CMBL: variants seen among roughly 807,000 people sequenced by gnomAD.
CMBL encodes the protein carboxymethylenebutenolidase homolog (Pseudomonas).
In CMBL, 17 loss-of-function variants were observed where a neutral mutation model predicts 28.7. That is an observed-to-expected ratio of 0.59 (90% CI 0.41 to 0.89). The LOEUF is 0.89. Among genes scored for constraint, CMBL ranks in the 40% least tolerant of loss-of-function variants. The pLI, the probability that CMBL is intolerant of heterozygous loss-of-function variation, is 0.00. For missense variants in CMBL, 310 were observed against 298.5 expected (o/e 1.04, Z -0.28); for synonymous variants, 106 against 101.6 (o/e 1.04, Z -0.26).
At position 10,290,676 on chromosome 5, in the gene CMBL, G is replaced by A. The variant is rs1746695744; in HGVS notation, c.87C>T (p.His29=). The part of the protein sequence containing the change: ...GGLGREVQVE[H]IKAYVTKSPV... The stretch of plus-strand genomic sequence containing the variant: ...GGGATTTGGTGACATAAGCCTTGAT[G>A]TGCTCGACTTGAACTTCACGGCCTA... The change falls in exon 2 of 6, where the codon CAC becomes CAT. Residue 29 remains histidine, a synonymous_variant. Coordinates refer to ENST00000296658, the MANE Select transcript of CMBL (RefSeq NM_138809.4). 2 of 1,614,192 alleles carry A rather than the reference G, an allele frequency of 1.2e-6. No homozygotes were observed. Among genetic ancestry groups the A allele is most frequent in the Non-Finnish European group, 1.7e-6 (2 of 1,180,032 alleles).
chr5:10,302,599 CAAA>C (rs1216048051), intron 1 of CMBL, among the ~76,000 whole-genome samples: 1 of 121,260 alleles, frequency 8.2e-6, no homozygotes. Flanking sequence ...GACTCTGTCT[CAAA>C]AAAAAAAAAA....
chr5:10,301,792 G>C (rs917714678), intron 1 of CMBL, among the ~76,000 whole-genome samples: 11 of 151,802 alleles, frequency 7.2e-5, no homozygotes, highest in Non-Finnish European at 1.6e-4. Flanking sequence ...AGTAGAGACG[G>C]GGTTTCACCA....
At chr5:10,291,396 C>T (rs935888284) in intron 1 of CMBL, among the ~76,000 whole-genome samples, 2 of 152,180 alleles carry the variant, frequency 1.3e-5, no homozygotes, top group African/African-American at 4.8e-5. Flanking sequence ...GGCGCGGTGG[C>T]TCACGCCTGT....
In CMBL at chr5:10,278,696, T is replaced by C. The variant is rs1479605514; in HGVS notation, c.*1757A>G. 6.6e-6 allele frequency among the ~76,000 whole-genome samples: 1 copy of C among 152,128 alleles called. No individual in the cohort carries two copies. The highest frequency in any genetic ancestry group is 1.5e-5 in the Non-Finnish European group (1 of 68,030). On this transcript the variant is annotated 3_prime_UTR_variant, in exon 6 of 6. Coordinates refer to ENST00000296658, the MANE Select transcript of CMBL (RefSeq NM_138809.4). ...TGTAAGCAATAAACTGCTTCTGTCA[T>C]TTCTTGGGTTCTGATGAGTTGCCTC...
rs565910614 is a variant in CMBL, at chr5:10,298,010, G to T, written c.-19-7229C>A. Among the ~76,000 whole-genome samples the T allele has an allele frequency of 6.6e-5, 10 of 152,200 alleles. 1 individual carries two copies. In the East Asian group the frequency reaches 1.4e-3, roughly 21 times the overall value. On this transcript the variant is annotated intron_variant, in intron 1 of 5. Transcript: ENST00000296658. ...AAAACAGGGGACCAGCGAGAAGTAC[G>T]TATGGCTGTTTCCTCCAGCCAGGTC...
intron 3 of CMBL, among the ~76,000 whole-genome samples, chr5:10,288,034 A>G (rs1746636590): frequency 6.6e-6 from 1 of 151,396 alleles, no homozygotes; most frequent in Admixed American, 6.6e-5. Flanking sequence ...CCCGGCCTAA[A>G]AATTTTAATT....
chr5:10,286,228 T>G (rs921092620), intron 4 of CMBL, 126 bp downstream of exon 4: 1 of 938,434 alleles, frequency 1.1e-6, no homozygotes, highest in Non-Finnish European at 1.6e-6. Context: ...TAAAACCCAT[T>G]TCCATAAGAT....
At chr5:10,301,121 T>C (rs1441106359) in intron 1 of CMBL, among the ~76,000 whole-genome samples, 5 of 152,098 alleles carry the variant, frequency 3.3e-5, no homozygotes, top group African/African-American at 1.2e-4. Flanking sequence ...TGGGCTTTAT[T>C]ATGTTTTATT....
intron 3 of CMBL, among the ~76,000 whole-genome samples, chr5:10,287,184 T>G (rs1311089790): frequency 6.6e-6 from 1 of 152,104 alleles, no homozygotes; most frequent in Non-Finnish European, 1.5e-5. Context: ...AAAGTGGAGG[T>G]GGGCTGCACA....
chr5:10,292,437 C>T (rs1322859721), intron 1 of CMBL, among the ~76,000 whole-genome samples: 3 of 152,162 alleles, frequency 2.0e-5, no homozygotes, highest in Admixed American at 2.0e-4. Context: ...GTCTCAAACT[C>T]CTAGGCTCAA....
intron 1 of CMBL, among the ~76,000 whole-genome samples, chr5:10,292,650 C>A (rs995147873): frequency 1.4e-4 from 21 of 151,912 alleles, no homozygotes; most frequent in African/African-American, 5.1e-4. Context: ...TGGTGAAACC[C>A]CCGTCTCTAC....
In CMBL at chr5:10,286,562, T is replaced by C. The variant is rs75142029; in HGVS notation, c.324-66A>G. ...TTGTGAACCCCTCAAAGAGCTGTGC[T>C]GATGATAACAGGGCTGTATCAGCAA... On this transcript the variant is annotated intron_variant, in intron 3 of 5. Coordinates refer to ENST00000296658, the MANE Select transcript of CMBL (RefSeq NM_138809.4). The C allele has an allele frequency of 3.6e-3, 5,325 of 1,485,522 alleles. 162 individuals carry two copies. The African/African-American group carries it at 0.065, about 18-fold the overall frequency. 92.0% of individuals were successfully genotyped at this position (1,485,522 alleles called of 1,614,324 possible). A position where few individuals can be genotyped will look rare whatever the true frequency, so the allele number is the denominator to read the frequency against.
At chr5:10,304,551 C>T (rs992924365) in intron 1 of CMBL, among the ~76,000 whole-genome samples, 4 of 152,202 alleles carry the variant, frequency 2.6e-5, no homozygotes, top group Non-Finnish European at 5.9e-5. Flanking sequence ...GGCCGCTTTG[C>T]GGGCTGCAAC....
intron 1 of CMBL, among the ~76,000 whole-genome samples, chr5:10,291,371 A>G (rs918016747): frequency 6.6e-6 from 1 of 152,198 alleles, no homozygotes; most frequent in African/African-American, 2.4e-5. Flanking sequence ...GAAAAAAGAA[A>G]GCAATCCTCG....
intron 1 of CMBL, among the ~76,000 whole-genome samples, chr5:10,299,464 T>C (rs1746857897): frequency 6.6e-6 from 1 of 152,126 alleles, no homozygotes; most frequent in African/African-American, 2.4e-5. Flanking sequence ...ATACAAACCC[T>C]GGAAGGAGTC....
rs1386179051 is a variant in CMBL, at chr5:10,302,608, A to G, written c.-20+5017T>C. Reference sequence around the variant, plus strand: ...CAGCGAGACTCTGTCTCAAAAAAAAAAAAAAGACAGGAAGGAGGAGTCCAA... The same window carrying G: ...CAGCGAGACTCTGTCTCAAAAAAAAGAAAAAGACAGGAAGGAGGAGTCCAA... On this transcript the variant is annotated intron_variant, in intron 1 of 5. Transcript: ENST00000296658. Among the ~76,000 whole-genome samples, 5 of 152,126 alleles carry G rather than the reference A, an allele frequency of 3.3e-5. No individual in the cohort carries two copies. In the East Asian group the frequency reaches 9.6e-4, roughly 29 times the overall value.
At chr5:10,304,021 A>T (rs1746956358) in intron 1 of CMBL, among the ~76,000 whole-genome samples, 1 of 152,150 alleles carries the variant, frequency 6.6e-6, no homozygotes, top group African/African-American at 2.4e-5. Context: ...CATGGCTCCC[A>T]TGAAGAGGCA....
In CMBL at chr5:10,286,515, A is replaced by C. The variant is rs942514871; in HGVS notation, c.324-19T>G. The stretch of plus-strand genomic sequence containing the variant: ...GATCTCTCTAGAACAGAAAGAAAAA[A>C]TATTCAAGAATCAGGCTTATTTTGT... On this transcript the variant is annotated intron_variant, in intron 3 of 5. Transcript: ENST00000296658. 1 of 1,607,768 alleles carries C rather than the reference A, an allele frequency of 6.2e-7. No individual in the cohort carries two copies. The highest frequency in any genetic ancestry group is 8.5e-7 in the Non-Finnish European group (1 of 1,176,364).
chr5:10,290,590 T>G lies in CMBL; in HGVS notation c.173A>C (p.Asn58Thr). ...IQDIFGWQLP[N>T]TRYIADMISG... The stretch of plus-strand genomic sequence containing the variant: ...GATCATGTCAGCTATATATCTGGTA[T>G]TGGGCAACTGCCAGCCAAATATATC... Residue 58 changes from asparagine to threonine, a missense_variant, in exon 2 of 6, where the codon AAT (asparagine) becomes ACT (threonine). Physicochemically the swap from Asn to Thr is moderately conservative, Grantham distance 65. Transcript: ENST00000296658. 6.2e-7 allele frequency: 1 copy of G among 1,614,242 alleles called. No homozygotes were observed. The highest frequency in any genetic ancestry group is 8.5e-7 in the Non-Finnish European group (1 of 1,180,038).
Sources: allele counts gnomAD v4.1 joint callset (sites outside exome capture counted in the v4.1 genomes callset), GRCh38; gene constraint gnomAD v4.1.1; transcripts MANE v1.5; gene names NCBI Gene and HGNC (gene_info 2026-07-23, HGNC 2026-07-21).